The following GRIP1 variants were observed in gnomAD, a reference collection of about 807,000 sequenced individuals.
GRIP1 encodes glutamate receptor interacting protein 1.
Under a neutral mutation model 129.9 loss-of-function variants are expected in GRIP1, and 45 were observed. That is an observed-to-expected ratio of 0.35 (90% CI 0.27 to 0.44). GRIP1 has a LOEUF of 0.44. Ranked by LOEUF, GRIP1 falls within the 20% of genes least tolerant of loss-of-function variation. The probability of loss-of-function intolerance (pLI) is 1.00; values close to 1 mark genes in which losing one functional copy is unlikely to be tolerated. For missense variants in GRIP1, 1,196 were observed against 1,396.8 expected (o/e 0.86, Z 2.29); for synonymous variants, 530 against 520.8 (o/e 1.02, Z -0.24).
chr12:66,976,974 T>C (rs1475336854), intron 1 of GRIP1, among the ~76,000 whole-genome samples: 1 of 152,174 alleles, frequency 6.6e-6, no homozygotes, highest in Non-Finnish European at 1.5e-5. Context: ...ACGAATTCTA[T>C]GTTCTGAACT....
At chr12:66,587,306 G>C (rs1565888958) in intron 2 of GRIP1, among the ~76,000 whole-genome samples, 1 of 152,218 alleles carries the variant, frequency 6.6e-6, no homozygotes, top group Non-Finnish European at 1.5e-5. Context: ...TTACTCCAAA[G>C]TCACCAGCTC....
intron 1 of GRIP1, among the ~76,000 whole-genome samples, chr12:67,032,324 C>T (rs1455098912): frequency 1.3e-5 from 2 of 152,160 alleles, no homozygotes; most frequent in Non-Finnish European, 2.9e-5. Context: ...TGTAGTCACT[C>T]AACAAATATT....
chr12:66,953,720 G>A (rs2041795964), intron 1 of GRIP1, among the ~76,000 whole-genome samples: 1 of 152,044 alleles, frequency 6.6e-6, no homozygotes, highest in Admixed American at 6.6e-5. Context: ...AGATTAAAGA[G>A]GCAGCACTAT....
intron 3 of GRIP1, among the ~76,000 whole-genome samples, chr12:66,539,912 T>C (rs1324149284): frequency 6.6e-6 from 1 of 152,188 alleles, no homozygotes; most frequent in African/African-American, 2.4e-5. Context: ...CAAGAGCAGG[T>C]AGCAAGACCA....
chr12:66,350,016 T>C (rs1002066014), intron 24 of GRIP1, among the ~76,000 whole-genome samples: 2 of 151,960 alleles, frequency 1.3e-5, no homozygotes, highest in South Asian at 4.1e-4. Context: ...ATGACCCTAC[T>C]TGTCAAATCC....
chr12:66,520,083 T>C (rs1030014016), intron 5 of GRIP1, among the ~76,000 whole-genome samples: 2 of 152,214 alleles, frequency 1.3e-5, no homozygotes, highest in East Asian at 3.8e-4. Flanking sequence ...AAGCTTAATG[T>C]TGCAAGTTCC....
chr12:66,392,393 G>A lies in GRIP1; in HGVS notation c.2379C>T (p.Asp793=), dbSNP rs1242041459. ...CACTGGGCACCGTGGAGGGGTACAT[G>A]TCGGAGAGCTTGCCTGGCTTCTGTG... is the stretch of plus-strand genomic sequence containing the variant. The part of the protein sequence containing the change: ...SPAQKPGKLS[D]MYPSTVPSVD... Residue 793 remains aspartate (D), a synonymous_variant, in exon 19 of 25, where the codon GAC becomes GAT. Transcript: ENST00000359742. The A allele has an allele frequency of 6.2e-7, 1 of 1,613,868 alleles. No homozygotes were observed. The highest frequency in any genetic ancestry group is 8.5e-7 in the Non-Finnish European group (1 of 1,179,770).
chr12:66,447,864 G>A (rs1476242174), intron 11 of GRIP1, among the ~76,000 whole-genome samples: 1 of 152,162 alleles, frequency 6.6e-6, no homozygotes. Context: ...TCTAAAATCA[G>A]TGGCCTCATC....
intron 15 of GRIP1, among the ~76,000 whole-genome samples, chr12:66,407,052 T>G (rs1275865221): frequency 6.6e-6 from 1 of 152,188 alleles, no homozygotes; most frequent in Non-Finnish European, 1.5e-5. Context: ...AAAAATAATG[T>G]GAATGTAGTA....
At chr12:66,529,221 A>C (rs1039026659) in intron 5 of GRIP1, among the ~76,000 whole-genome samples, 1 of 152,230 alleles carries the variant, frequency 6.6e-6, no homozygotes, top group Admixed American at 6.5e-5. Flanking sequence ...CCACTATAGA[A>C]AACAGTGTGG....
rs370700342 is a variant in GRIP1, at chr12:66,515,756, G to T, written c.587C>A (p.Thr196Lys). ...GAGCAACCTGTCACCGGGTTTGATC[G>T]TGCCCTCTCTGAAGGGAGAATAAAG... is the stretch of plus-strand genomic sequence containing the variant. ...RPGGPADREG[T>K]IKPGDRLLSV... Residue 196 changes from threonine (T) to lysine (K), a missense_variant, in exon 7 of 25, where the codon ACG becomes AAG. Thr to Lys is a moderately conservative substitution (Grantham distance 78). Transcript: ENST00000359742. 1 of 1,613,270 alleles carries T rather than the reference G, an allele frequency of 6.2e-7. No individual in the cohort carries two copies. Among genetic ancestry groups the T allele is most frequent in the Non-Finnish European group, 8.5e-7 (1 of 1,179,292 alleles).
intron 1 of GRIP1, among the ~76,000 whole-genome samples, chr12:66,633,278 T>C (rs909024142): frequency 1.4e-5 from 2 of 141,678 alleles, no homozygotes; most frequent in African/African-American, 5.3e-5. Flanking sequence ...ATATATTATA[T>C]ATATATTATA....
At chr12:66,561,565 G>A (rs1391084276) in intron 2 of GRIP1, among the ~76,000 whole-genome samples, 1 of 151,986 alleles carries the variant, frequency 6.6e-6, no homozygotes, top group Non-Finnish European at 1.5e-5. Context: ...AAAACAAAGG[G>A]TTAATCTGGG....
intron 7 of GRIP1, among the ~76,000 whole-genome samples, chr12:66,483,845 G>A (rs954195232): frequency 1.3e-5 from 2 of 149,040 alleles, no homozygotes; most frequent in African/African-American, 5.0e-5. Flanking sequence ...CATCCAAAAA[G>A]TAACCATTAT....
At chr12:66,376,935 T>G (rs1025938935) in intron 22 of GRIP1, 82 bp downstream of exon 22, 1 of 956,214 alleles carries the variant, frequency 1.0e-6, no homozygotes, top group African/African-American at 1.6e-5. Context: ...CTGCATTGTA[T>G]AAAATCAAAT....
At chr12:66,379,888 A>T (rs926850044) in intron 19 of GRIP1, among the ~76,000 whole-genome samples, 1 of 152,054 alleles carries the variant, frequency 6.6e-6, no homozygotes, top group African/African-American at 2.4e-5. Flanking sequence ...TACAAACAAA[A>T]GACATATTTC....
intron 15 of GRIP1, among the ~76,000 whole-genome samples, chr12:66,411,330 T>A (rs1282858635): frequency 1.3e-5 from 2 of 151,970 alleles, no homozygotes; most frequent in Non-Finnish European, 2.9e-5. Flanking sequence ...ACAGGAGGGA[T>A]CCAGGCTTGG....
At chr12:66,372,251 T>G (rs2055548736) in intron 22 of GRIP1, 1 of 422,720 alleles carries the variant, frequency 2.4e-6, no homozygotes, top group South Asian at 2.2e-5. Context: ...AAGCATTCAC[T>G]TTCCACTCAG....
At chr12:66,844,533 A>G (rs1272086764) in intron 1 of GRIP1, among the ~76,000 whole-genome samples, 1 of 152,232 alleles carries the variant, frequency 6.6e-6, no homozygotes, top group African/African-American at 2.4e-5. Context: ...TGGTACAGCC[A>G]CTATGGAAAA....
Sources: gnomAD v4.1 joint callset for allele counts (sites outside exome capture counted in the v4.1 genomes callset) on GRCh38, gnomAD v4.1.1 for gene constraint, MANE v1.5 for transcripts, NCBI Gene and HGNC (gene_info 2026-07-23, HGNC 2026-07-21) for gene names.